Variants in ZDHHC17 observed in about 807,000 individuals in gnomAD.
ZDHHC17 encodes zDHHC palmitoyltransferase 17, also known as palmitoyltransferase ZDHHC17.
In ZDHHC17, 40 loss-of-function variants were observed where a neutral mutation model predicts 90.3. The ratio of observed to expected loss-of-function variants is 0.44; its 90% CI spans 0.34 to 0.58. ZDHHC17 has a LOEUF of 0.58. Ranked by LOEUF, ZDHHC17 falls within the 20% of genes least tolerant of loss-of-function variation. The pLI is 0.01. For missense variants in ZDHHC17, 614 were observed against 780.8 expected (o/e 0.79, Z 2.55); for synonymous variants, 235 against 252.4 (o/e 0.93, Z 0.65).
intron 12 of ZDHHC17, chr12:76,845,387 A>G (rs1346873155): frequency 6.3e-6 from 1 of 158,294 alleles, no homozygotes; most frequent in Admixed American, 6.5e-5. Flanking sequence ...TTTATTACTC[A>G]GAAATTTGAG....
chr12:76,837,393 G>A (rs75558867), intron 10 of ZDHHC17, among the ~76,000 whole-genome samples: 10 of 152,308 alleles, frequency 6.6e-5, no homozygotes, highest in African/African-American at 2.4e-4. Flanking sequence ...TACTCAGGAG[G>A]TTGAGGCAGT....
Position 76,805,270 on chromosome 12 carries a change from C to T in ZDHHC17, c.198-47C>T. 1.4e-6 allele frequency: 2 copies of T among 1,468,662 alleles called. 1 individual carries two copies. The highest frequency in any genetic ancestry group is 3.5e-4 in the Middle Eastern group (2 of 5,782). 91.0% of individuals were successfully genotyped at this position (1,468,662 alleles called of 1,614,324 possible). A position where few individuals can be genotyped will look rare whatever the true frequency, so the allele number is the denominator to read the frequency against. On this transcript the variant is annotated intron_variant, in intron 2 of 16. Coordinates refer to ENST00000426126, the MANE Select transcript of ZDHHC17 (RefSeq NM_015336.4). The stretch of plus-strand genomic sequence containing the variant: ...TCTCAAAATGTTATTTTTAACTTTA[C>T]ATTTCTTGTTAAATAATAACAATGC...
In ZDHHC17 at chr12:76,815,137, C is replaced by CT. The variant is rs1230862331; in HGVS notation, c.544-6dup. The CT allele has an allele frequency of 1.3e-6, 2 of 1,534,708 alleles. No homozygotes were observed. Among genetic ancestry groups the CT allele is most frequent in the East Asian group, 4.8e-5 (2 of 41,738 alleles). ...AACTGTCTGACTTTTTTTCTTTTTA[C>CT]TTTATCAGGATGTAGATATGATGGA... On this transcript the variant is annotated splice_polypyrimidine_tract_variant and intron_variant, in intron 5 of 16. Coordinates refer to ENST00000426126, the MANE Select transcript of ZDHHC17 (RefSeq NM_015336.4).
intron 1 of ZDHHC17, among the ~76,000 whole-genome samples, chr12:76,786,887 C>T (rs936523408): frequency 1.3e-5 from 2 of 152,180 alleles, no homozygotes; most frequent in African/African-American, 4.8e-5. Flanking sequence ...GAACTAGATG[C>T]CTAAATGTCT....
chr12:76,843,584 G>A (rs1380259559), intron 12 of ZDHHC17, among the ~76,000 whole-genome samples: 2 of 151,824 alleles, frequency 1.3e-5, no homozygotes, highest in Non-Finnish European at 2.9e-5. Context: ...TATTGAGATT[G>A]TTTATTATTA....
chr12:76,851,194 G>A lies in ZDHHC17; in HGVS notation c.*209G>A. 3.8e-6 allele frequency: 2 copies of A among 522,362 alleles called. No individual in the cohort carries two copies. Among genetic ancestry groups the A allele is most frequent in the Non-Finnish European group, 6.4e-6 (2 of 314,034 alleles). The allele number at this position is 522,362 out of a possible 1,614,324, so 32.4% of individuals were successfully genotyped here. ...TGCCATTTCTGGGAAGAGTAAAGAT[G>A]ATAAAAAATAATTTTAATGGTTCTT... On this transcript the variant is annotated 3_prime_UTR_variant, in exon 17 of 17. Transcript: ENST00000426126.
intron 4 of ZDHHC17, among the ~76,000 whole-genome samples, 200 bp downstream of exon 4, chr12:76,809,320 C>A (rs973424835): frequency 2.0e-5 from 3 of 150,986 alleles, no homozygotes; most frequent in Admixed American, 1.3e-4. Context: ...CCTGGCCATG[C>A]TGATATTAAT....
intron 14 of ZDHHC17, among the ~76,000 whole-genome samples, chr12:76,846,957 A>G (rs925709350): frequency 1.8e-4 from 28 of 152,356 alleles, no homozygotes; most frequent in Non-Finnish European, 3.7e-4. Context: ...GGTGAAATAC[A>G]TCAACATTTT....
chr12:76,841,178 A>AT (rs1219175287), intron 10 of ZDHHC17: 2 of 152,168 alleles, frequency 1.3e-5, no homozygotes, highest in African/African-American at 4.8e-5. Flanking sequence ...GTGTTCTGGT[A>AT]TTTTCCAAAC....
At chr12:76,805,815 G>GA (rs1446922060) in intron 3 of ZDHHC17, among the ~76,000 whole-genome samples, 3 of 152,190 alleles carry the variant, frequency 2.0e-5, no homozygotes, top group East Asian at 1.9e-4. Flanking sequence ...CAGGCAGTCT[G>GA]ACTTGGTGTT....
At chr12:76,820,095 GT>G (rs1004459007) in intron 7 of ZDHHC17, among the ~76,000 whole-genome samples, 1 of 151,800 alleles carries the variant, frequency 6.6e-6, no homozygotes, top group Admixed American at 6.6e-5. Context: ...TATACCCTAG[GT>G]TTTTTTATCT....
At chr12:76,785,034 A>G (rs1952669293) in intron 1 of ZDHHC17, among the ~76,000 whole-genome samples, 1 of 152,228 alleles carries the variant, frequency 6.6e-6, no homozygotes, top group African/African-American at 2.4e-5. Flanking sequence ...CTTCTCTACT[A>G]TGACAATGCT....
At position 76,815,147 on chromosome 12, in the gene ZDHHC17, A is replaced by T. The variant is rs917021835; in HGVS notation, c.545A>T (p.Asp182Val). ...CTTTTTTTCTTTTTACTTTATCAGGATGTAGATATGATGGATCAGAATGGA... is the reference window on the plus strand; with the variant it reads ...CTTTTTTTCTTTTTACTTTATCAGGTTGTAGATATGATGGATCAGAATGGA... ...IVAYLIAKGQ[D>V]VDMMDQNGMT... Residue 182 changes from aspartate to valine, a missense_variant and splice_region_variant, in exon 6 of 17, where the codon GAT becomes GTT. This residue lies in a region of ZDHHC17 where 358 missense variants were observed against 380.4 expected (regional missense o/e 0.94). Coordinates refer to ENST00000426126, the MANE Select transcript of ZDHHC17 (RefSeq NM_015336.4). 1 of 1,554,082 alleles carries T rather than the reference A, an allele frequency of 6.4e-7. No homozygotes were observed. The highest frequency in any genetic ancestry group is 8.7e-7 in the Non-Finnish European group (1 of 1,146,912).
At position 76,846,551 on chromosome 12, in the gene ZDHHC17, G is replaced by A. The variant is rs878950834; in HGVS notation, c.1424-45G>A. On this transcript the variant is annotated intron_variant, in intron 13 of 16. Transcript: ENST00000426126. ...ACCCCTCAAAGGTGCATTACCCGTT[G>A]TTTTTTTCTTAGCTGAAAAACCTTG... The A allele has an allele frequency of 2.0e-6, 3 of 1,511,358 alleles. No individual in the cohort carries two copies. The Admixed American group carries it at 5.4e-5, about 27-fold the overall frequency. 93.6% of individuals were successfully genotyped at this position (1,511,358 alleles called of 1,614,324 possible). A position where few individuals can be genotyped will look rare whatever the true frequency, so the allele number is the denominator to read the frequency against.
chr12:76,825,390 CTAATA>C (rs1953218211), intron 8 of ZDHHC17, among the ~76,000 whole-genome samples: 1 of 151,936 alleles, frequency 6.6e-6, no homozygotes, highest in Non-Finnish European at 1.5e-5. Context: ...GAAAATTTTC[CTAATA>C]TAAGAGAAAA....
At chr12:76,789,913 A>G (rs1162301397) in intron 1 of ZDHHC17, among the ~76,000 whole-genome samples, 1 of 152,218 alleles carries the variant, frequency 6.6e-6, no homozygotes, top group East Asian at 1.9e-4. Context: ...GGGAGCCATG[A>G]TAACGACATG....
At chr12:76,788,130 G>T (rs1952713447) in intron 1 of ZDHHC17, among the ~76,000 whole-genome samples, 1 of 152,296 alleles carries the variant, frequency 6.6e-6, no homozygotes, top group Admixed American at 6.5e-5. Flanking sequence ...TTGTGGGTGG[G>T]ATAGTAGGTT....
intron 10 of ZDHHC17, among the ~76,000 whole-genome samples, chr12:76,831,876 G>A (rs972538563): frequency 6.6e-6 from 1 of 152,120 alleles, no homozygotes; most frequent in Admixed American, 6.5e-5. Flanking sequence ...AAACTCCTGG[G>A]CTCAAGTGGT....
intron 7 of ZDHHC17, chr12:76,821,046 C>A: frequency 1.6e-6 from 2 of 1,286,596 alleles, no homozygotes; most frequent in Non-Finnish European, 2.0e-6. Flanking sequence ...CTCCCTCAAT[C>A]TTTTTGTCTA....
Sources: gnomAD v4.1 joint callset for allele counts (sites outside exome capture counted in the v4.1 genomes callset) on GRCh38, gnomAD v4.1.1 for gene constraint, gnomAD v4.1.1 regional missense constraint, MANE v1.5 for transcripts, NCBI Gene and HGNC (gene_info 2026-07-23, HGNC 2026-07-21) for gene names.